Variants in TSC1 observed in about 807,000 individuals in gnomAD.
The protein encoded by TSC1 is TSC complex subunit 1.
A neutral mutation model predicts 124.3 loss-of-function variants in TSC1; 20 were observed. The ratio of observed to expected loss-of-function variants is 0.16; its 90% CI spans 0.11 to 0.23. The LOEUF (loss-of-function observed/expected upper bound fraction) is 0.23. Ranked by LOEUF, TSC1 falls within the 10% of genes least tolerant of loss-of-function variation. The probability of loss-of-function intolerance (pLI) is 1.00; values close to 1 mark genes in which losing one functional copy is unlikely to be tolerated. For synonymous variants in TSC1, 493 were observed against 539.1 expected, an observed-to-expected ratio of 0.91 and a Z score of 1.19; for missense variants, 1,124 against 1,448.5, an observed-to-expected ratio of 0.78 and a Z score of 3.64.
rs556038860 is a variant in TSC1, at chr9:132,921,784, A to G, written c.663+35T>C. Reference sequence around the variant, plus strand: ...TAAATGCAGCCTATCTAAACAGTATACTAAGTAGCAAACAAACAAGCAGTT... The same window carrying G: ...TAAATGCAGCCTATCTAAACAGTATGCTAAGTAGCAAACAAACAAGCAGTT... On this transcript the variant is annotated intron_variant, in intron 7 of 22. Transcript: ENST00000298552. The surrounding 1 kb of genome is among the most constrained non-coding windows in gnomAD (Gnocchi z 4.3). 6.1e-4 allele frequency: 979 copies of G among 1,613,208 alleles called. 14 individuals are homozygous for G. In the South Asian group the frequency reaches 0.01, roughly 17 times the overall value.
intron 8 of TSC1, among the ~76,000 whole-genome samples, chr9:132,916,175 A>AT (rs1846264869): frequency 6.6e-6 from 1 of 152,038 alleles, no homozygotes; most frequent in East Asian, 1.9e-4. Context: ...TTTACTTGGC[A>AT]TTTTTTTCTT....
chr9:132,899,910 G>C (rs1024249374), intron 20 of TSC1: 2 of 152,172 alleles, frequency 1.3e-5, no homozygotes, highest in African/African-American at 4.8e-5. Context: ...TCCAAAATAA[G>C]TGATAGCTGC....
intron 8 of TSC1, 126 bp from the exon 9 acceptor site, chr9:132,912,583 A>G: frequency 9.5e-7 from 1 of 1,053,028 alleles, no homozygotes. Context: ...ATGCCAGCCC[A>G]AGTCTGAAAC....
rs760841318 is a variant in TSC1 at position 132,896,113 on chromosome 9, G to A, written c.*122C>T. 2.6e-5 allele frequency: 38 copies of A among 1,455,436 alleles called. No individual in the cohort carries two copies. Among genetic ancestry groups the A allele is most frequent in the East Asian group, 2.0e-4 (9 of 44,158 alleles). The allele number at this position is 1,455,436 out of a possible 1,614,324, so 90.2% of individuals were successfully genotyped here. A position where few individuals can be genotyped will look rare whatever the true frequency, so the allele number is the denominator to read the frequency against. On this transcript the variant is annotated 3_prime_UTR_variant, in exon 23 of 23. Coordinates refer to ENST00000298552, the MANE Select transcript of TSC1 (RefSeq NM_000368.5). This position sits in a 1 kb window ranked among gnomAD's most constrained non-coding sequence, Gnocchi z 4.5. Reference sequence around the variant, plus strand: ...TCAGTCAGCTGTCCAAAGGACCTCCGTCCCATTTCCACACATGAACTTGCA... The same window carrying A: ...TCAGTCAGCTGTCCAAAGGACCTCCATCCCATTTCCACACATGAACTTGCA...
rs754679411 is a variant in TSC1, at chr9:132,904,443, G to C, written c.2009C>G (p.Pro670Arg). The change falls in exon 16 of 23, where the codon CCC becomes CGC. Residue 670 changes from proline (P) to arginine (R), a missense_variant. By Grantham distance (103) the Pro-to-Arg change is moderately radical. This residue lies in a region of TSC1 where 321 missense variants were observed against 397.4 expected (regional missense o/e 0.81). Transcript: ENST00000298552. The stretch of plus-strand genomic sequence containing the variant: ...GTGGGTCCAGTCGACAGACTTGCTG[G>C]GTAAAGGCAACCTAGGAAGAAAGTT... The part of the protein sequence containing the change: ...HSKELNKLPL[P>R]SKSVDWTHFG... 1 of 1,613,996 alleles carries C rather than the reference G, an allele frequency of 6.2e-7. No homozygotes were observed. The highest frequency in any genetic ancestry group is 8.5e-7 in the Non-Finnish European group (1 of 1,179,990).
chr9:132,930,365 G>C (rs1847137354), intron 2 of TSC1, among the ~76,000 whole-genome samples: 1 of 152,124 alleles, frequency 6.6e-6, no homozygotes. Flanking sequence ...GAGGCAGGCA[G>C]ATCACCTAAG....
At chr9:132,926,012 C>T in intron 4 of TSC1, 1 of 473,794 alleles carries the variant, frequency 2.1e-6, no homozygotes, top group South Asian at 2.1e-5. Flanking sequence ...TTCACAGCCC[C>T]TCAATAACCA....
chr9:132,921,254 G>C lies in TSC1; in HGVS notation c.737+109C>G. ...GAGTGCTTCCAAGTGGACTGATTCT[G>C]TAAGTAGAACATCTATATTCCCAAA... On this transcript the variant is annotated intron_variant, in intron 8 of 22. Coordinates refer to ENST00000298552, the MANE Select transcript of TSC1 (RefSeq NM_000368.5). This position sits in a 1 kb window ranked among gnomAD's most constrained non-coding sequence, Gnocchi z 4.3. The C allele has an allele frequency of 8.4e-7, 1 of 1,188,008 alleles. No homozygotes were observed. The highest frequency in any genetic ancestry group is 1.3e-5 in the South Asian group (1 of 77,612). 73.6% of individuals were successfully genotyped at this position (1,188,008 alleles called of 1,614,324 possible).
chr9:132,932,393 G>A (rs190746453), intron 2 of TSC1, among the ~76,000 whole-genome samples: 182 of 152,184 alleles, frequency 1.2e-3, no homozygotes, highest in Non-Finnish European at 1.6e-3. Context: ...CACCTCAGTC[G>A]AAGCCCGCAT....
At chr9:132,927,104 A>G (rs1588359114) in intron 4 of TSC1, 97 bp downstream of exon 4, 4 of 1,225,116 alleles carry the variant, frequency 3.3e-6, no homozygotes, top group Admixed American at 1.9e-5. Context: ...ACAGAAATCA[A>G]AAGAATAAGC....
At chr9:132,935,556 T>C (rs1847415510) in intron 1 of TSC1, among the ~76,000 whole-genome samples, 2 of 152,232 alleles carry the variant, frequency 1.3e-5, no homozygotes, top group Admixed American at 1.3e-4. Flanking sequence ...ATGCATTCCA[T>C]TGCCCTCGGC....
chr9:132,933,649 C>T (rs1260794072), intron 2 of TSC1, among the ~76,000 whole-genome samples: 1 of 152,186 alleles, frequency 6.6e-6, no homozygotes, highest in Non-Finnish European at 1.5e-5. Context: ...GATGATACTA[C>T]ACATGTGACA....
chr9:132,931,315 A>G (rs1249696288), intron 2 of TSC1: 7 of 152,128 alleles, frequency 4.6e-5, no homozygotes, highest in Admixed American at 3.3e-4. Flanking sequence ...CCGGAGTGAC[A>G]TGAGCTCAAT....
rs2131976184 is a variant in TSC1, at chr9:132,911,490, C to T, written c.992G>A (p.Ser331Asn). ...NMPGQLPQTL[S>N]SPSTRLITEP... is the part of the protein sequence containing the mutation. ...AGTTATCAGCCGTGTCGATGGGGAA[C>T]TCAGAGTCTGAGGTAGCTGCCCTGG... The change falls in exon 10 of 23, where the codon AGT becomes AAT. Residue 331 changes from serine (S) to asparagine (N), a missense_variant. This residue lies in a region of TSC1 where 463 missense variants were observed against 606.8 expected (regional missense o/e 0.76). Transcript: ENST00000298552. 1 of 1,613,966 alleles carries T rather than the reference C, an allele frequency of 6.2e-7. No homozygotes were observed. Among genetic ancestry groups the T allele is most frequent in the African/African-American group, 1.3e-5 (1 of 74,974 alleles).
chr9:132,932,181 G>C (rs1314075682), intron 2 of TSC1, among the ~76,000 whole-genome samples: 1 of 152,220 alleles, frequency 6.6e-6, no homozygotes, highest in East Asian at 1.9e-4. Context: ...ACAGTGCACA[G>C]TACAGTGCTG....
chr9:132,930,406 T>C (rs1010988375), intron 2 of TSC1, among the ~76,000 whole-genome samples: 1 of 151,942 alleles, frequency 6.6e-6, no homozygotes, highest in Non-Finnish European at 1.5e-5. Context: ...CTGGCCAACA[T>C]GGTGAAGCCC....
chr9:132,937,735 C>G (rs981362488), intron 1 of TSC1, among the ~76,000 whole-genome samples: 13 of 152,056 alleles, frequency 8.5e-5, no homozygotes, highest in Non-Finnish European at 1.9e-4. Context: ...TGAGATAGAG[C>G]CCTGCTCTGT....
At chr9:132,926,685 CT>C (rs77475409) in intron 4 of TSC1, 59,733 of 159,902 alleles carry the variant, frequency 0.37, 12,722 homozygotes, top group South Asian at 0.55. Context: ...TAAACAAGAT[CT>C]TTTTTTTTTT....
intron 20 of TSC1, among the ~76,000 whole-genome samples, chr9:132,898,560 C>T (rs990803173): frequency 2.6e-5 from 4 of 152,246 alleles, no homozygotes; most frequent in Admixed American, 6.5e-5. Flanking sequence ...AACTGGCTCT[C>T]GGATAATGCG....
Sources: allele counts gnomAD v4.1 joint callset (sites outside exome capture counted in the v4.1 genomes callset), GRCh38; gene constraint gnomAD v4.1.1; regional missense constraint gnomAD v4.1.1; non-coding constraint Gnocchi (gnomAD v3.1); transcripts MANE v1.5; gene names NCBI Gene and HGNC (gene_info 2026-07-23, HGNC 2026-07-21).